The following RFC4 variants were observed in gnomAD, a reference collection of about 807,000 sequenced individuals.
The protein encoded by RFC4 is A1 37 kDa subunit.
Under a neutral mutation model 47.6 loss-of-function variants are expected in RFC4, and 38 were observed. The observed-to-expected ratio is 0.80, with a 90% confidence interval of 0.62 to 1.05. RFC4 has a LOEUF of 1.05. Ranked by LOEUF, RFC4 falls within the 50% of genes least tolerant of loss-of-function variation. RFC4 has a pLI of 0.00. For synonymous variants in RFC4, 164 were observed against 150.0 expected (o/e 1.09, Z -0.68); for missense variants, 489 against 434.0 (o/e 1.13, Z -1.13).
chr3:186,792,951 A>G lies in RFC4; in HGVS notation c.411-4T>C, dbSNP rs1722174007. On this transcript the variant is annotated splice_polypyrimidine_tract_variant and splice_region_variant and intron_variant, in intron 5 of 10. Transcript: ENST00000296273. ...AAAAGGCGGACACGGCTTCCCACTGATTCAGAGAAACACATAAGAGTTGAA... is the reference window on the plus strand; with the variant it reads ...AAAAGGCGGACACGGCTTCCCACTGGTTCAGAGAAACACATAAGAGTTGAA... 1 of 1,611,042 alleles carries G rather than the reference A, an allele frequency of 6.2e-7. No individual in the cohort carries two copies. The highest frequency in any genetic ancestry group is 8.5e-7 in the Non-Finnish European group (1 of 1,178,974).
In RFC4 at chr3:186,793,726, C is replaced by CT. The variant is rs529901068; in HGVS notation, c.411-780dup. Among the ~76,000 whole-genome samples the CT allele has an allele frequency of 4.4e-3, 631 of 142,078 alleles. No individual in the cohort carries two copies. Among genetic ancestry groups the CT allele is most frequent in the Middle Eastern group, 0.011 (3 of 272 alleles). The allele number at this position is 142,078 out of a possible 152,430, so 93.2% of individuals were successfully genotyped here. On this transcript the variant is annotated intron_variant, in intron 5 of 10. Coordinates refer to ENST00000296273, the MANE Select transcript of RFC4 (RefSeq NM_002916.5). The surrounding 1 kb of genome is among the most constrained non-coding windows in gnomAD (Gnocchi z 4.2). ...CGAAATGTCTATGCAGATCCTTTGC[C>CT]TTTTTTTTTTTTTTGAGATAGAGTC...
intron 8 of RFC4, 117 bp from the exon 9 acceptor site, chr3:186,790,523 C>G (rs266759): frequency 2.7e-6 from 2 of 747,822 alleles, no homozygotes; most frequent in African/African-American, 1.7e-5. Context: ...TCCATACTTT[C>G]CTGGGAAGGC....
rs3082241 is a variant in RFC4 at position 186,796,026 on chromosome 3, TACACAC to T, written c.291-1255_291-1250del. Among the ~76,000 whole-genome samples, 87 of 149,210 alleles carry T rather than the reference TACACAC, an allele frequency of 5.8e-4. No individual in the cohort carries two copies. Among genetic ancestry groups the T allele is most frequent in the African/African-American group, 9.1e-4 (37 of 40,548 alleles). On this transcript the variant is annotated intron_variant, in intron 4 of 10. Coordinates refer to ENST00000296273, the MANE Select transcript of RFC4 (RefSeq NM_002916.5). The surrounding 1 kb of genome is among the most constrained non-coding windows in gnomAD (Gnocchi z 4.2). ...TTTTTGAAACTTCCCTCTAGTCTTT[TACACAC>T]ACACACACACACACACACACACATT...
At chr3:186,795,814 T>C (rs1469622524) in intron 4 of RFC4, among the ~76,000 whole-genome samples, 3 of 151,860 alleles carry the variant, frequency 2.0e-5, no homozygotes, top group Non-Finnish European at 4.4e-5. Flanking sequence ...AATAAACAAA[T>C]AAATAAATAA....
Position 186,804,694 on chromosome 3 carries a change from C to T in RFC4, c.20G>A (p.Gly7Asp), listed in dbSNP as rs1397240865. Residue 7 changes from glycine to aspartate, a missense_variant, in exon 2 of 11, where the codon GGT becomes GAT. Gly to Asp is a moderately conservative substitution (Grantham distance 94). This residue lies in a region of RFC4 where 206 missense variants were observed against 257.8 expected (regional missense o/e 0.80). Transcript: ENST00000296273. The stretch of plus-strand genomic sequence containing the variant: ...CGGGGGTTTAGTACTGATGGATGTA[C>T]CTTTAAGAAATGCTTGCATGGTACT... Reference protein sequence around the residue: MQAFLKGTSISTKPPLT... With the variant: MQAFLKDTSISTKPPLT... The T allele has an allele frequency of 2.5e-6, 4 of 1,613,138 alleles. No individual in the cohort carries two copies. The highest frequency in any genetic ancestry group is 3.4e-6 in the Non-Finnish European group (4 of 1,179,574).
rs1579176822 is a variant in RFC4, at chr3:186,791,832, T to C, written c.694A>G (p.Lys232Glu). Residue 232 changes from lysine (K) to glutamate (E), a missense_variant, in exon 8 of 11, where the codon AAA (lysine) becomes GAA (glutamate). Physicochemically the swap from Lys to Glu is moderately conservative, Grantham distance 56. This residue lies in a region of RFC4 where 283 missense variants were observed against 176.2 expected (regional missense o/e 1.61). Coordinates refer to ENST00000296273, the MANE Select transcript of RFC4 (RefSeq NM_002916.5). Reference sequence around the variant, plus strand: ...TTTCTTAAGTCTCCTTCTGACACTTTAACAAGATAAGCTATTCCCTGAAGA... The same window carrying C: ...TTTCTTAAGTCTCCTTCTGACACTTCAACAAGATAAGCTATTCCCTGAAGA... Reference protein sequence around the residue: ...ISDEGIAYLVKVSEGDLRKAI... With the variant: ...ISDEGIAYLVEVSEGDLRKAI... The C allele has an allele frequency of 1.2e-6, 2 of 1,612,436 alleles. No homozygotes were observed. The highest frequency in any genetic ancestry group is 1.1e-5 in the South Asian group (1 of 91,058).
At chr3:186,797,935 T>TC (rs772261008) in intron 3 of RFC4, among the ~76,000 whole-genome samples, 4 of 152,200 alleles carry the variant, frequency 2.6e-5, no homozygotes, top group Non-Finnish European at 5.9e-5. Context: ...CTAAAGGGAA[T>TC]CTCAGTTTCC....
At chr3:186,792,259 C>T (rs1722156863) in intron 7 of RFC4, among the ~76,000 whole-genome samples, 2 of 152,124 alleles carry the variant, frequency 1.3e-5, no homozygotes, top group African/African-American at 4.8e-5. Flanking sequence ...TGTATGAAAT[C>T]CACCTCAGTT....
rs3082241 is a variant in RFC4, at chr3:186,796,026, T to TACACACACACAC, written c.291-1261_291-1250dup. On this transcript the variant is annotated intron_variant, in intron 4 of 10. Transcript: ENST00000296273. This position sits in a 1 kb window ranked among gnomAD's most constrained non-coding sequence, Gnocchi z 4.2. ...TTTTTGAAACTTCCCTCTAGTCTTTTACACACACACACACACACACACACA... is the reference window on the plus strand; with the variant it reads ...TTTTTGAAACTTCCCTCTAGTCTTTTACACACACACACACACACACACACACACACACACACA... Among the ~76,000 whole-genome samples the TACACACACACAC allele has an allele frequency of 2.0e-5, 3 of 149,170 alleles. No homozygotes were observed. The highest frequency in any genetic ancestry group is 4.9e-5 in the African/African-American group (2 of 40,434).
rs770046802 is a variant in RFC4, at chr3:186,793,832, C to G, written c.410+826G>C. Among the ~76,000 whole-genome samples, 1 of 151,966 alleles carries G rather than the reference C, an allele frequency of 6.6e-6. No homozygotes were observed. Among genetic ancestry groups the G allele is most frequent in the Non-Finnish European group, 1.5e-5 (1 of 68,004 alleles). On this transcript the variant is annotated intron_variant, in intron 5 of 10. Coordinates refer to ENST00000296273, the MANE Select transcript of RFC4 (RefSeq NM_002916.5). The surrounding 1 kb of genome is among the most constrained non-coding windows in gnomAD (Gnocchi z 4.2). ...CTGCCTCCTGGGTTCACGCCATACT[C>G]CTGCCTCAGCCTCCCGAGTAGCTGG...
chr3:186,791,653 G>T, intron 8 of RFC4, 72 bp downstream of exon 8: 1 of 1,367,976 alleles, frequency 7.3e-7, no homozygotes, highest in Non-Finnish European at 1.0e-6. Context: ...CCCAGTATTT[G>T]TTGGATGAAA....
intron 3 of RFC4, 22 bp from the exon 4 acceptor site, chr3:186,797,636 T>C (rs1341494686): frequency 1.3e-6 from 2 of 1,519,496 alleles, no homozygotes; most frequent in Admixed American, 3.5e-5. Context: ...AAATTTTATT[T>C]TTAATAAATG....
intron 1 of RFC4, chr3:186,804,935 C>A: frequency 2.5e-6 from 1 of 403,498 alleles, no homozygotes; most frequent in South Asian, 8.5e-5. Flanking sequence ...GCTACAAGAA[C>A]AGAAAAGTGG....
At chr3:186,801,243 G>T in intron 2 of RFC4, 48 bp from the exon 3 acceptor site, 1 of 1,391,572 alleles carries the variant, frequency 7.2e-7, no homozygotes, top group South Asian at 1.2e-5. Context: ...TATTATAGTA[G>T]CCACAGAAAA....
rs3917090 is a variant in RFC4, at chr3:186,806,109, T to C, written c.-12+181A>G. On this transcript the variant is annotated intron_variant, in intron 1 of 10. Transcript: ENST00000296273. ...CCTGCCTCGGGCTGTTAAACATTAA[T>C]ACAGCCCAAAGCCGGGGCCTGCAAG... Among the ~76,000 whole-genome samples the C allele has an allele frequency of 1.3e-3, 194 of 152,320 alleles. 1 individual carries two copies. The highest frequency in any genetic ancestry group is 4.3e-3 in the African/African-American group (177 of 41,568).
intron 4 of RFC4, among the ~76,000 whole-genome samples, chr3:186,795,057 A>C (rs1462332448): frequency 6.6e-6 from 1 of 152,158 alleles, no homozygotes; most frequent in Non-Finnish European, 1.5e-5. Context: ...CAGGCTGGAG[A>C]ACAGTGGCAT....
At chr3:186,795,014 A>AT (rs1204286621) in intron 4 of RFC4, among the ~76,000 whole-genome samples, 3 of 152,102 alleles carry the variant, frequency 2.0e-5, no homozygotes, top group African/African-American at 4.8e-5. Context: ...TTTTCTTTTT[A>AT]TTTTTTTGGA....
chr3:186,798,666 G>A (rs545631513), intron 3 of RFC4, among the ~76,000 whole-genome samples: 8 of 152,116 alleles, frequency 5.3e-5, no homozygotes, highest in Non-Finnish European at 1.0e-4. Context: ...TTTCTGGCCC[G>A]AACATATGTT....
chr3:186,790,523 C>T (rs266759), intron 8 of RFC4, 117 bp from the exon 9 acceptor site: 371,042 of 747,104 alleles, frequency 0.5, 92,833 homozygotes, highest in Admixed American at 0.51. Context: ...TCCATACTTT[C>T]CTGGGAAGGC....
Sources: allele counts gnomAD v4.1 joint callset (sites outside exome capture counted in the v4.1 genomes callset), GRCh38; gene constraint gnomAD v4.1.1; regional missense constraint gnomAD v4.1.1; non-coding constraint Gnocchi (gnomAD v3.1); transcripts MANE v1.5; gene names NCBI Gene and HGNC (gene_info 2026-07-23, HGNC 2026-07-21).